THRB: variants seen among roughly 807,000 people sequenced by gnomAD.
THRB encodes the protein nuclear receptor subfamily 1 group A member 2.
In THRB, 12 loss-of-function variants were observed where a neutral mutation model predicts 47.8. The observed-to-expected ratio is 0.25, with a 90% confidence interval of 0.16 to 0.41. The LOEUF (loss-of-function observed/expected upper bound fraction) is 0.41, where lower values mean the gene tolerates loss of function less well. Ranked by LOEUF, THRB falls within the 10% of genes least tolerant of loss-of-function variation. The pLI, the probability that THRB is intolerant of heterozygous loss-of-function variation, is 1.00. For synonymous variants in THRB, 218 were observed against 212.2 expected (o/e 1.03, Z -0.24); for missense variants, 348 against 589.2 (o/e 0.59, Z 4.24).
At chr3:24,214,877 T>G (rs1001469237) in intron 4 of THRB, among the ~76,000 whole-genome samples, 1 of 152,236 alleles carries the variant, frequency 6.6e-6, no homozygotes, top group African/African-American at 2.4e-5. Flanking sequence ...GAACAAGTAT[T>G]TGTTTGCAGC....
chr3:24,231,179 T>C (rs1318551021), intron 3 of THRB, among the ~76,000 whole-genome samples: 5 of 152,262 alleles, frequency 3.3e-5, no homozygotes, highest in African/African-American at 1.2e-4. Flanking sequence ...AAAAGAATCC[T>C]GACTGATAAT....
At chr3:24,167,607 A>G (rs1448815765) in intron 5 of THRB, among the ~76,000 whole-genome samples, 2 of 152,162 alleles carry the variant, frequency 1.3e-5, no homozygotes, top group Non-Finnish European at 2.9e-5. Flanking sequence ...TAACCTTTCA[A>G]TAAAGCAGTT....
At chr3:24,466,828 G>A (rs531227179) in intron 1 of THRB, among the ~76,000 whole-genome samples, 1 of 152,190 alleles carries the variant, frequency 6.6e-6, no homozygotes, top group Non-Finnish European at 1.5e-5. Flanking sequence ...GAAGCGTCTT[G>A]TCTTGATGTT....
At chr3:24,455,797 T>C (rs932899967) in intron 1 of THRB, among the ~76,000 whole-genome samples, 4 of 152,170 alleles carry the variant, frequency 2.6e-5, no homozygotes, top group East Asian at 1.9e-4. Context: ...GGATTTTTGC[T>C]ACTCCATTTC....
intron 1 of THRB, among the ~76,000 whole-genome samples, chr3:24,359,732 G>A (rs2063939393): frequency 6.6e-6 from 1 of 152,074 alleles, no homozygotes; most frequent in African/African-American, 2.4e-5. Flanking sequence ...CACATTTTCA[G>A]TTGAGTTGTA....
At chr3:24,410,978 T>C (rs2068243513) in intron 1 of THRB, among the ~76,000 whole-genome samples, 1 of 151,968 alleles carries the variant, frequency 6.6e-6, no homozygotes. Flanking sequence ...CCTTTACTTG[T>C]CCAGGCTAAA....
chr3:24,176,876 A>T (rs1052663468), intron 5 of THRB, among the ~76,000 whole-genome samples: 3 of 152,158 alleles, frequency 2.0e-5, no homozygotes, highest in African/African-American at 7.2e-5. Flanking sequence ...TGATGGTTGC[A>T]TGCCTCTGTA....
intron 1 of THRB, among the ~76,000 whole-genome samples, chr3:24,385,749 A>G (rs2066047539): frequency 6.6e-6 from 1 of 152,136 alleles, no homozygotes; most frequent in African/African-American, 2.4e-5. Flanking sequence ...ATTACCATCA[A>G]TGGGAAGGCA....
chr3:24,302,825 T>C (rs192807016), intron 2 of THRB, among the ~76,000 whole-genome samples: 2 of 152,352 alleles, frequency 1.3e-5, no homozygotes, highest in East Asian at 3.9e-4. Context: ...ATTTTTTTCT[T>C]TTGTTCACGA....
intron 1 of THRB, among the ~76,000 whole-genome samples, chr3:24,340,725 A>G (rs952606380): frequency 6.6e-6 from 1 of 152,180 alleles, no homozygotes. Context: ...TTGTGATTGT[A>G]TTTCCAAATT....
chr3:24,487,287 C>T (rs942706662), intron 1 of THRB, among the ~76,000 whole-genome samples: 7 of 152,018 alleles, frequency 4.6e-5, no homozygotes, highest in African/African-American at 1.7e-4. Context: ...ATATAGTGAA[C>T]TGTTCCTCAC....
intron 1 of THRB, among the ~76,000 whole-genome samples, chr3:24,415,130 C>T (rs778076231): frequency 6.6e-6 from 1 of 151,718 alleles, no homozygotes; most frequent in African/African-American, 2.4e-5. Flanking sequence ...CTTAAACATC[C>T]CATTATAAAA....
At chr3:24,316,247 A>G (rs1232321592) in intron 2 of THRB, among the ~76,000 whole-genome samples, 2 of 152,214 alleles carry the variant, frequency 1.3e-5, no homozygotes, top group Non-Finnish European at 2.9e-5. Context: ...CCACCAAAAC[A>G]AAATTTGGCT....
At chr3:24,163,022 AT>A (rs1448634954) in intron 5 of THRB, among the ~76,000 whole-genome samples, 1 of 152,188 alleles carries the variant, frequency 6.6e-6, no homozygotes, top group African/African-American at 2.4e-5. Context: ...TAAAAATCCA[AT>A]TGGAAAATGA....
In THRB at chr3:24,122,514, T is replaced by A; in HGVS notation, c.*370A>T. ...GAACATCAGGATTGGGTGGAGGTGG[T>A]CGTATTATCTTGGTTTTAAGGCTTC... is the stretch of plus-strand genomic sequence containing the variant. On this transcript the variant is annotated 3_prime_UTR_variant, in exon 11 of 11. Transcript: ENST00000646209. The A allele has an allele frequency of 3.0e-6, 1 of 332,860 alleles. No individual in the cohort carries two copies. The highest frequency in any genetic ancestry group is 2.8e-5 in the South Asian group (1 of 35,998). 20.6% of individuals were successfully genotyped at this position (332,860 alleles called of 1,614,324 possible). A position where few individuals can be genotyped will look rare whatever the true frequency, so the allele number is the denominator to read the frequency against.
intron 4 of THRB, among the ~76,000 whole-genome samples, chr3:24,202,891 G>A (rs1477490318): frequency 3.9e-5 from 6 of 152,196 alleles, no homozygotes; most frequent in Non-Finnish European, 8.8e-5. Context: ...AGCCCACAGA[G>A]ATAAAGCATT....
At chr3:24,389,872 A>G (rs539566391) in intron 1 of THRB, among the ~76,000 whole-genome samples, 23 of 152,288 alleles carry the variant, frequency 1.5e-4, no homozygotes, top group Non-Finnish European at 2.1e-4. Flanking sequence ...AAAGGCAACC[A>G]CAGTCTTGAA....
At chr3:24,165,974 T>C (rs539274734) in intron 5 of THRB, among the ~76,000 whole-genome samples, 1 of 152,322 alleles carries the variant, frequency 6.6e-6, no homozygotes, top group Admixed American at 6.5e-5. Flanking sequence ...CTCCAAAACA[T>C]TAATCTAGCT....
Position 24,260,185 on chromosome 3 carries a change from G to T in THRB, c.-42-31184C>A, listed in dbSNP as rs551871017. On this transcript the variant is annotated intron_variant, in intron 3 of 10. Transcript: ENST00000646209. ...AGCTCTTATCTATATAATAATTTAG[G>T]AAAATACAGTTGTCAGGAGAGAAAA... Among the ~76,000 whole-genome samples the T allele has an allele frequency of 5.7e-4, 86 of 152,192 alleles. No individual in the cohort carries two copies. In the South Asian group the frequency reaches 0.017, roughly 30 times the overall value.
Sources: allele counts gnomAD v4.1 joint callset (sites outside exome capture counted in the v4.1 genomes callset), GRCh38; gene constraint gnomAD v4.1.1; transcripts MANE v1.5; gene names NCBI Gene and HGNC (gene_info 2026-07-23, HGNC 2026-07-21).